The following ZNF644 variants were observed in gnomAD, a reference collection of about 807,000 sequenced individuals.
ZNF644 encodes the protein zinc finger motif enhancer binding protein 2.
A neutral mutation model predicts 108.0 loss-of-function variants in ZNF644; 20 were observed. That is an observed-to-expected ratio of 0.19 (90% CI 0.13 to 0.27). The LOEUF is 0.27. Among genes scored for constraint, ZNF644 ranks in the 10% least tolerant of loss-of-function variants. ZNF644 has a pLI of 1.00. For synonymous variants in ZNF644, 542 were observed against 539.1 expected (o/e 1.01, Z -0.08); for missense variants, 1,338 against 1,548.9 (o/e 0.86, Z 2.29).
chr1:91,007,465 C>T (rs1659568407), intron 1 of ZNF644, among the ~76,000 whole-genome samples: 1 of 151,884 alleles, frequency 6.6e-6, no homozygotes, highest in Non-Finnish European at 1.5e-5. Context: ...CCGCCCACCT[C>T]GACCACCCAA....
intron 1 of ZNF644, among the ~76,000 whole-genome samples, chr1:91,009,127 T>C (rs575180911): frequency 6.6e-6 from 1 of 152,294 alleles, no homozygotes; most frequent in Admixed American, 6.5e-5. Flanking sequence ...GGGCAATACC[T>C]GTTGGAAAGG....
intron 1 of ZNF644, among the ~76,000 whole-genome samples, chr1:90,995,877 G>A (rs72724413): frequency 0.084 from 12,845 of 152,154 alleles, 716 homozygotes; most frequent in Middle Eastern, 0.13. Flanking sequence ...GACATCAGAG[G>A]CTCAGAGCCC....
At chr1:90,994,824 C>T (rs1197063271) in intron 1 of ZNF644, among the ~76,000 whole-genome samples, 1 of 152,142 alleles carries the variant, frequency 6.6e-6, no homozygotes, top group African/African-American at 2.4e-5. Context: ...AACCAACTTA[C>T]TCAGACACTG....
rs961603393 is a variant in ZNF644 at position 90,939,602 on chromosome 1, A to G, written c.1752T>C (p.Ala584=). Residue 584 remains alanine (A), a synonymous_variant, in exon 3 of 6, where the codon GCT becomes GCC. Coordinates refer to ENST00000337393, the MANE Select transcript of ZNF644 (RefSeq NM_201269.3). ...DSVVGSSKKS[A]TYICKMCPFT... ...AAGGACACATCTTACATATGTAGGT[A>G]GCTGATTTTTTGGATGATCCTACTA... 1 of 1,613,990 alleles carries G rather than the reference A, an allele frequency of 6.2e-7. No homozygotes were observed. Among genetic ancestry groups the G allele is most frequent in the East Asian group, 2.2e-5 (1 of 44,878 alleles).
Position 90,918,058 on chromosome 1 carries a change from C to T in ZNF644, c.3785G>A (p.Arg1262Gln), listed in dbSNP as rs1483354962. The T allele has an allele frequency of 6.2e-6, 10 of 1,613,558 alleles. No homozygotes were observed. The highest frequency in any genetic ancestry group is 5.1e-6 in the Non-Finnish European group (6 of 1,179,662). ...TGGCAATATAGGCATATACCTGCATCGGAGAATGTAAACCTCGTCAGCACC... is the reference window on the plus strand; with the variant it reads ...TGGCAATATAGGCATATACCTGCATTGGAGAATGTAAACCTCGTCAGCACC... ...PHGADEVYIL[R>Q]CRFCGLVFRG... Residue 1262 changes from arginine to glutamine, a missense_variant, in exon 5 of 6, where the codon CGA becomes CAA. Coordinates refer to ENST00000337393, the MANE Select transcript of ZNF644 (RefSeq NM_201269.3).
chr1:91,002,644 A>G (rs1240044727), intron 1 of ZNF644, among the ~76,000 whole-genome samples: 1 of 152,218 alleles, frequency 6.6e-6, no homozygotes, highest in Non-Finnish European at 1.5e-5. Context: ...CTAAAACACC[A>G]AAAGCAATGG....
intron 2 of ZNF644, among the ~76,000 whole-genome samples, chr1:90,970,735 A>AT (rs1655365186): frequency 6.6e-6 from 1 of 152,182 alleles, no homozygotes. Context: ...ACCAGGGTAT[A>AT]TAAGTGATTA....
intron 1 of ZNF644, among the ~76,000 whole-genome samples, chr1:91,015,950 C>T (rs1157403045): frequency 6.6e-6 from 1 of 152,160 alleles, no homozygotes; most frequent in Admixed American, 6.5e-5. Flanking sequence ...GTAATATCAA[C>T]CCTAAACCTC....
At chr1:90,973,493 G>C (rs946781852) in intron 2 of ZNF644, among the ~76,000 whole-genome samples, 1 of 152,104 alleles carries the variant, frequency 6.6e-6, no homozygotes, top group Non-Finnish European at 1.5e-5. Context: ...AATGAGGATT[G>C]AGTTAATATT....
chr1:90,938,340 G>A lies in ZNF644; in HGVS notation c.3014C>T (p.Ala1005Val). The change falls in exon 3 of 6, where the codon GCC becomes GTC. Residue 1005 changes from alanine to valine, a missense_variant. Physicochemically the swap from Ala to Val is moderately conservative, Grantham distance 64 (BLOSUM62 0). This residue lies in a region of ZNF644 where 287 missense variants were observed against 310.9 expected (regional missense o/e 0.92). Transcript: ENST00000337393. The surrounding 1 kb of genome is among the most constrained non-coding windows in gnomAD (Gnocchi z 4.2). ...GAAATGCTGCATTTTGTCACTTGTG[G>A]CTATTTGTTCTGGTGATACAACATG... The part of the protein sequence containing the change: ...ARHVVSPEQI[A>V]TSDKMQHFKR... 6.2e-7 allele frequency: 1 copy of A among 1,613,890 alleles called. No individual in the cohort carries two copies. The highest frequency in any genetic ancestry group is 2.2e-5 in the East Asian group (1 of 44,868).
chr1:91,021,067 G>A (rs1344373357), intron 1 of ZNF644: 1 of 152,192 alleles, frequency 6.6e-6, no homozygotes, highest in Admixed American at 6.5e-5. Flanking sequence ...GTAACCTTTA[G>A]CTCCACCACC....
intron 2 of ZNF644, among the ~76,000 whole-genome samples, chr1:90,969,681 T>A (rs1331536567): frequency 1.3e-5 from 2 of 152,342 alleles, no homozygotes; most frequent in South Asian, 4.1e-4. Context: ...GGTATCGTAG[T>A]GCTTGTGCTA....
chr1:90,944,312 A>G (rs1652305137), intron 2 of ZNF644, among the ~76,000 whole-genome samples: 1 of 152,222 alleles, frequency 6.6e-6, no homozygotes, highest in Non-Finnish European at 1.5e-5. Context: ...AGAGCTTTTC[A>G]TAAGGTCACA....
At chr1:90,969,324 C>A (rs550670298) in intron 2 of ZNF644, among the ~76,000 whole-genome samples, 1 of 152,248 alleles carries the variant, frequency 6.6e-6, no homozygotes, top group Admixed American at 6.5e-5. Flanking sequence ...GCCAAGCCTG[C>A]AAACATCTTG....
At chr1:90,923,047 A>G (rs942504120) in intron 4 of ZNF644, among the ~76,000 whole-genome samples, 5 of 152,158 alleles carry the variant, frequency 3.3e-5, no homozygotes, top group Non-Finnish European at 7.4e-5. Flanking sequence ...TGGGGTAGAG[A>G]AAGCCAATTG....
At position 90,917,008 on chromosome 1, in the gene ZNF644, T is replaced by C. The variant is rs1648839414; in HGVS notation, c.3792-18A>G. On this transcript the variant is annotated intron_variant, in intron 5 of 5. Coordinates refer to ENST00000337393, the MANE Select transcript of ZNF644 (RefSeq NM_201269.3). ...CACAAAACCTACAGAAAGATAACAA[T>C]TCTCTTAACATGACCAATTCTCTTT... 6.2e-7 allele frequency: 1 copy of C among 1,613,350 alleles called. No homozygotes were observed. Among genetic ancestry groups the C allele is most frequent in the Non-Finnish European group, 8.5e-7 (1 of 1,179,306 alleles).
chr1:90,990,573 C>T (rs1657544147), intron 1 of ZNF644, among the ~76,000 whole-genome samples: 1 of 152,084 alleles, frequency 6.6e-6, no homozygotes, highest in South Asian at 2.1e-4. Context: ...GGTGGTAATC[C>T]TTGAGTTGAG....
In ZNF644 at chr1:90,941,190, C is replaced by G; in HGVS notation, c.164G>C (p.Gly55Ala). ...DNNFISDKES[G>A]VHKPKDCQTS... The stretch of plus-strand genomic sequence containing the variant: ...TTGACAATCTTTTGGCTTATGAACT[C>G]CGCTCTCTTTGTCTGAGATAAAATT... Residue 55 changes from glycine to alanine, a missense_variant, in exon 3 of 6, where the codon GGA (glycine) becomes GCA (alanine). By Grantham distance (60) the Gly-to-Ala change is moderately conservative (BLOSUM62 0). Transcript: ENST00000337393. 1.2e-6 allele frequency: 2 copies of G among 1,610,906 alleles called. No homozygotes were observed. Among genetic ancestry groups the G allele is most frequent in the Non-Finnish European group, 1.7e-6 (2 of 1,178,892 alleles).
intron 1 of ZNF644, among the ~76,000 whole-genome samples, chr1:90,995,420 A>G (rs1453956034): frequency 6.6e-6 from 1 of 152,306 alleles, no homozygotes; most frequent in East Asian, 1.9e-4. Flanking sequence ...GCAGTCCAAC[A>G]TATATGTAAG....
Sources: gnomAD v4.1 joint callset for allele counts (sites outside exome capture counted in the v4.1 genomes callset) on GRCh38, gnomAD v4.1.1 for gene constraint, gnomAD v4.1.1 regional missense constraint, Gnocchi (gnomAD v3.1) non-coding constraint, MANE v1.5 for transcripts, NCBI Gene and HGNC (gene_info 2026-07-23, HGNC 2026-07-21) for gene names.